Variants in NRG1 observed in about 807,000 individuals in gnomAD.
NRG1 encodes pro-neuregulin-1, membrane-bound isoform.
Under a neutral mutation model 63.8 loss-of-function variants are expected in NRG1, and 18 were observed. That is an observed-to-expected ratio of 0.28 (90% confidence interval 0.19 to 0.42). The LOEUF is 0.42. NRG1 is among the 10% of genes least tolerant of loss of function. NRG1 has a pLI of 1.00. For missense variants in NRG1, 762 were observed against 814.7 expected (o/e 0.94, Z 0.79); for synonymous variants, 302 against 301.3 (o/e 1.00, Z -0.02).
At chr8:32,367,024 TATCCATTC>T (rs1808154945) in intron 1 of NRG1, among the ~76,000 whole-genome samples, 1 of 152,070 alleles carries the variant, frequency 6.6e-6, no homozygotes, top group Non-Finnish European at 1.5e-5. Flanking sequence ...ACATTTTCTT[TATCCATTC>T]ATCCATTGAT....
chr8:32,514,612 T>C (rs1829600224), intron 1 of NRG1, among the ~76,000 whole-genome samples: 1 of 151,862 alleles, frequency 6.6e-6, no homozygotes, highest in Admixed American at 6.6e-5. Flanking sequence ...GCATGTGTTT[T>C]TGTTTTTGTT....
intron 1 of NRG1, among the ~76,000 whole-genome samples, chr8:32,086,362 C>T (rs1018254170): frequency 3.3e-5 from 5 of 152,138 alleles, no homozygotes; most frequent in African/African-American, 4.8e-5. Flanking sequence ...AGAGTGTCTC[C>T]GCATTTAGAT....
chr8:32,713,099 C>G lies in NRG1; in HGVS notation c.503-14850C>G, dbSNP rs369358414. Among the ~76,000 whole-genome samples, 5 of 152,248 alleles carry G rather than the reference C, an allele frequency of 3.3e-5. No homozygotes were observed. The East Asian group carries it at 7.7e-4, about 24-fold the overall frequency. ...TTGTGTATATACTTAGTGTACCTGT[C>G]TCTCGAAAGTGATTCCAGCAACATA... On this transcript the variant is annotated intron_variant, in intron 5 of 11. Coordinates refer to ENST00000356819, the Ensembl canonical transcript of NRG1.
chr8:32,216,796 C>A (rs1203776488), intron 1 of NRG1, among the ~76,000 whole-genome samples: 1 of 151,720 alleles, frequency 6.6e-6, no homozygotes, highest in Non-Finnish European at 1.5e-5. Flanking sequence ...ACTAATACAT[C>A]TAGTTCAGAA....
intron 1 of NRG1, among the ~76,000 whole-genome samples, chr8:32,482,095 C>G (rs117034268): frequency 3.4e-3 from 516 of 152,196 alleles, no homozygotes; most frequent in Non-Finnish European, 6.1e-3. Context: ...TGACTGGGAA[C>G]AGAACCGTGA....
chr8:31,880,832 T>G (rs1830293703), intron 1 of NRG1, among the ~76,000 whole-genome samples: 1 of 152,184 alleles, frequency 6.6e-6, no homozygotes, highest in South Asian at 2.1e-4. Context: ...TTGAATGGCT[T>G]AAAGGAGTAT....
intron 1 of NRG1, among the ~76,000 whole-genome samples, chr8:32,486,627 A>ATTTTTTTTTTTTTTTT (rs1554557143): frequency 3.7e-4 from 54 of 145,538 alleles, no homozygotes; most frequent in African/African-American, 1.4e-3. Flanking sequence ...GAATTGCTGG[A>ATTTTTTTTTTTTTTTT]TTTTTTTTTT....
At chr8:32,142,243 G>C (rs1836367267) in intron 1 of NRG1, among the ~76,000 whole-genome samples, 1 of 152,134 alleles carries the variant, frequency 6.6e-6, no homozygotes, top group African/African-American at 2.4e-5. Context: ...CCTTGCCTGA[G>C]GATGGTGAAA....
intron 1 of NRG1, among the ~76,000 whole-genome samples, chr8:32,243,865 C>A (rs562600697): frequency 1.5e-4 from 23 of 152,162 alleles, no homozygotes; most frequent in Non-Finnish European, 2.6e-4. Flanking sequence ...GAAAATGCAA[C>A]AGGGAATGGC....
At chr8:32,107,720 C>T (rs920251329) in intron 1 of NRG1, among the ~76,000 whole-genome samples, 2 of 152,118 alleles carry the variant, frequency 1.3e-5, no homozygotes, top group Non-Finnish European at 2.9e-5. Context: ...CTTTAGTAGA[C>T]TGTTGATTGA....
At chr8:32,764,505 T>C in exon 12 of NRG1, 1 of 1,100,970 alleles carries the variant, frequency 9.1e-7, no homozygotes, top group Non-Finnish European at 1.2e-6. Context: ...GTTCTGCAAA[T>C]AGAAAACAGG....
At chr8:32,642,254 A>G (rs1852559476) in intron 5 of NRG1, among the ~76,000 whole-genome samples, 1 of 152,212 alleles carries the variant, frequency 6.6e-6, no homozygotes, top group East Asian at 1.9e-4. Context: ...AGTAAAACCA[A>G]ACAAAATGTA....
At chr8:32,064,476 T>G (rs1426946910) in intron 1 of NRG1, among the ~76,000 whole-genome samples, 1 of 152,142 alleles carries the variant, frequency 6.6e-6, no homozygotes. Flanking sequence ...AGCTGACAAT[T>G]TGCCATCCTT....
At chr8:31,955,955 C>A (rs327388) in intron 1 of NRG1, among the ~76,000 whole-genome samples, 10,153 of 149,470 alleles carry the variant, frequency 0.068, 833 homozygotes, top group African/African-American at 0.21. Flanking sequence ...GTGTAAGGAC[C>A]ACTTTAATCT....
chr8:31,820,572 A>G (rs538969724), intron 1 of NRG1, among the ~76,000 whole-genome samples: 98 of 152,328 alleles, frequency 6.4e-4, no homozygotes, highest in African/African-American at 2.1e-3. Flanking sequence ...ACATGTTCAC[A>G]GAGAATTGTC....
chr8:32,422,567 G>A (rs1475352249), intron 1 of NRG1, among the ~76,000 whole-genome samples: 1 of 152,150 alleles, frequency 6.6e-6, no homozygotes, highest in Non-Finnish European at 1.5e-5. Context: ...GTAAATTCCT[G>A]AAAGTAGAAT....
intron 1 of NRG1, among the ~76,000 whole-genome samples, chr8:31,809,829 T>C (rs1822705142): frequency 6.8e-6 from 1 of 146,334 alleles, no homozygotes; most frequent in African/African-American, 2.5e-5. Context: ...ACCCGAGTGC[T>C]CTCTTTTAGA....
In NRG1 at chr8:32,028,721, A is replaced by G. The variant is rs187122941; in HGVS notation, c.37+389290A>G. ...AATGATTTCATTCACTAACTTTCAA[A>G]AGTTAGACATTCAAAAACTGCAAGA... On this transcript the variant is annotated intron_variant, in intron 1 of 10. Coordinates refer to the NRG1 transcript ENST00000519301. Among the ~76,000 whole-genome samples, 274 of 152,322 alleles carry G rather than the reference A, an allele frequency of 1.8e-3. 1 individual carries two copies. The highest frequency in any genetic ancestry group is 3.0e-3 in the Non-Finnish European group (203 of 68,006).
In NRG1 at chr8:32,756,541, C is replaced by G. The variant is rs758886981; in HGVS notation, c.921+12C>G. On this transcript the variant is annotated intron_variant, in intron 9 of 11. Coordinates refer to ENST00000356819, the Ensembl canonical transcript of NRG1. ...TCCAGCTGGTGAATGTACGTTGACTCTGGCCAGTGGAAAAAACTGAGCCTC... is the reference window on the plus strand; with the variant it reads ...TCCAGCTGGTGAATGTACGTTGACTGTGGCCAGTGGAAAAAACTGAGCCTC... 1.2e-6 allele frequency: 2 copies of G among 1,601,816 alleles called. No homozygotes were observed. Among genetic ancestry groups the G allele is most frequent in the Non-Finnish European group, 1.7e-6 (2 of 1,175,168 alleles).
Sources: gnomAD v4.1 joint callset for allele counts (sites outside exome capture counted in the v4.1 genomes callset) on GRCh38, gnomAD v4.1.1 for gene constraint, MANE v1.5 for transcripts, NCBI Gene and HGNC (gene_info 2026-07-23, HGNC 2026-07-21) for gene names.